The following STAU2 variants were observed in gnomAD, a reference collection of about 807,000 sequenced individuals.
STAU2 encodes the protein double-stranded RNA-binding protein Staufen homolog 2.
STAU2 carries 20 observed loss-of-function variants against 65.9 expected under a neutral mutation model. That is an observed-to-expected ratio of 0.30 (90% CI 0.21 to 0.44). STAU2 has a LOEUF of 0.44. STAU2 is among the 20% of genes least tolerant of loss of function. STAU2 has a pLI of 1.00. For missense variants in STAU2, 558 were observed against 683.9 expected (o/e 0.82, Z 2.05); for synonymous variants, 232 against 233.9 (o/e 0.99, Z 0.07).
chr8:73,619,837 CAAAT>C (rs995537181), intron 6 of STAU2, among the ~76,000 whole-genome samples: 24 of 151,780 alleles, frequency 1.6e-4, no homozygotes, highest in African/African-American at 5.6e-4. Flanking sequence ...TTAACAGTGT[CAAAT>C]GAAGGAGAGG....
chr8:73,719,948 T>G (rs893388494), intron 3 of STAU2, among the ~76,000 whole-genome samples: 3 of 152,172 alleles, frequency 2.0e-5, no homozygotes, highest in African/African-American at 4.8e-5. Context: ...TCTTTTTAAG[T>G]AGACTTTTAC....
chr8:73,426,104 T>C (rs1189578812), intron 13 of STAU2, among the ~76,000 whole-genome samples: 2 of 152,018 alleles, frequency 1.3e-5, no homozygotes, highest in Non-Finnish European at 2.9e-5. Context: ...CCATATCACT[T>C]AGTATCCTCT....
intron 13 of STAU2, among the ~76,000 whole-genome samples, chr8:73,474,159 A>C (rs1406068236): frequency 6.6e-6 from 1 of 152,156 alleles, no homozygotes; most frequent in East Asian, 1.9e-4. Flanking sequence ...AAAACAAAAA[A>C]ACAAAAAAAC....
At chr8:73,472,404 C>T (rs187324804) in intron 13 of STAU2, among the ~76,000 whole-genome samples, 2 of 152,152 alleles carry the variant, frequency 1.3e-5, no homozygotes, top group African/African-American at 4.8e-5. Flanking sequence ...TACACCAGGC[C>T]AAAGTTACAG....
At chr8:73,453,617 G>A (rs1006496868) in intron 13 of STAU2, among the ~76,000 whole-genome samples, 1 of 152,182 alleles carries the variant, frequency 6.6e-6, no homozygotes, top group East Asian at 1.9e-4. Flanking sequence ...TAGGTGCTTT[G>A]AGGCCTGAGT....
chr8:73,474,211 G>T (rs1337326355), intron 13 of STAU2, among the ~76,000 whole-genome samples: 1 of 152,162 alleles, frequency 6.6e-6, no homozygotes, highest in Non-Finnish European at 1.5e-5. Context: ...CCTGAAAATG[G>T]TTAGGCCTTT....
chr8:73,567,986 A>G (rs1404063036), intron 12 of STAU2, among the ~76,000 whole-genome samples: 2 of 152,202 alleles, frequency 1.3e-5, no homozygotes, highest in African/African-American at 4.8e-5. Flanking sequence ...ATAAACAAAT[A>G]CTTTCTAAAA....
At chr8:73,655,778 A>G (rs902185955) in intron 6 of STAU2, among the ~76,000 whole-genome samples, 3 of 150,648 alleles carry the variant, frequency 2.0e-5, no homozygotes, top group Non-Finnish European at 2.9e-5. Context: ...CCTCCCGAGT[A>G]GCTGGGACTA....
chr8:73,481,422 A>G (rs929527206), intron 13 of STAU2, among the ~76,000 whole-genome samples: 1 of 151,360 alleles, frequency 6.6e-6, no homozygotes, highest in East Asian at 2.0e-4. Flanking sequence ...ATTCTGATAC[A>G]TGCCAAAGTT....
At chr8:73,577,539 A>C (rs1442818997) in intron 12 of STAU2, among the ~76,000 whole-genome samples, 1 of 151,910 alleles carries the variant, frequency 6.6e-6, no homozygotes, top group Non-Finnish European at 1.5e-5. Context: ...TAAGTGTTTT[A>C]AATATTCATT....
At chr8:73,724,308 C>A (rs1805468709) in intron 3 of STAU2, among the ~76,000 whole-genome samples, 1 of 152,066 alleles carries the variant, frequency 6.6e-6, no homozygotes, top group Non-Finnish European at 1.5e-5. Context: ...CCACATGGAC[C>A]AGAGGCAAAA....
chr8:73,659,371 C>T (rs1816653808), intron 6 of STAU2, among the ~76,000 whole-genome samples: 1 of 152,126 alleles, frequency 6.6e-6, no homozygotes, highest in Admixed American at 6.5e-5. Flanking sequence ...AAACCTGTCT[C>T]TACTAAAAAC....
intron 12 of STAU2, among the ~76,000 whole-genome samples, chr8:73,568,080 T>C (rs904348117): frequency 5.9e-5 from 9 of 152,308 alleles, no homozygotes; most frequent in Non-Finnish European, 7.4e-5. Flanking sequence ...ACCTTAATAG[T>C]TTTCAACCAT....
chr8:73,487,974 CTG>C (rs1820998968), intron 13 of STAU2, among the ~76,000 whole-genome samples: 1 of 151,946 alleles, frequency 6.6e-6, no homozygotes, highest in Admixed American at 6.6e-5. Flanking sequence ...GGAAAAAAAT[CTG>C]TTTACCATGA....
intron 6 of STAU2, among the ~76,000 whole-genome samples, chr8:73,656,322 A>G (rs1481238021): frequency 6.6e-6 from 1 of 152,246 alleles, no homozygotes; most frequent in Non-Finnish European, 1.5e-5. Context: ...AATTTTTTCT[A>G]TGCCAAAACA....
chr8:73,509,558 G>A (rs1471044531), intron 13 of STAU2, among the ~76,000 whole-genome samples: 4 of 152,070 alleles, frequency 2.6e-5, no homozygotes, highest in South Asian at 4.1e-4. Context: ...AATATTTTGG[G>A]TTATGCAACT....
chr8:73,655,576 T>G (rs931517450), intron 6 of STAU2, among the ~76,000 whole-genome samples: 3 of 151,664 alleles, frequency 2.0e-5, no homozygotes, highest in African/African-American at 7.3e-5. Context: ...AAATATTTTG[T>G]GCAATGAGCC....
chr8:73,609,851 T>C (rs1812316933), intron 9 of STAU2, among the ~76,000 whole-genome samples: 1 of 152,208 alleles, frequency 6.6e-6, no homozygotes, highest in Admixed American at 6.5e-5. Flanking sequence ...AGTGGCATAC[T>C]GTCTTTATTT....
intron 3 of STAU2, among the ~76,000 whole-genome samples, chr8:73,726,009 T>TG (rs200808927): frequency 1.3e-5 from 1 of 79,464 alleles, no homozygotes; most frequent in East Asian, 5.1e-4. Flanking sequence ...CGTGGTTAGG[T>TG]TTTTTTTTTT....
Sources: allele counts gnomAD v4.1 joint callset (sites outside exome capture counted in the v4.1 genomes callset), GRCh38; gene constraint gnomAD v4.1.1; transcripts MANE v1.5; gene names NCBI Gene and HGNC (gene_info 2026-07-23, HGNC 2026-07-21).